GMDS: variants seen among roughly 807,000 people sequenced by gnomAD.
GMDS encodes GDP-mannose 4,6-dehydratase, also known as GDP-mannose 4,6 dehydratase.
GMDS carries 20 observed loss-of-function variants against 49.9 expected under a neutral mutation model. That is an observed-to-expected ratio of 0.40 (90% CI 0.28 to 0.58). GMDS has a LOEUF of 0.58. GMDS is among the 20% of genes least tolerant of loss of function. The pLI is 0.42. For missense variants in GMDS, 362 were observed against 481.4 expected (o/e 0.75, Z 2.32); for synonymous variants, 177 against 178.6 (o/e 0.99, Z 0.07).
chr6:2,114,289 C>A (rs925937617), intron 4 of GMDS, among the ~76,000 whole-genome samples: 14 of 152,120 alleles, frequency 9.2e-5, no homozygotes, highest in African/African-American at 2.7e-4. Context: ...CCAAAACATT[C>A]TGTTTTGTCT....
intron 9 of GMDS, among the ~76,000 whole-genome samples, chr6:1,638,420 C>CA (rs1298911539): frequency 2.0e-5 from 3 of 152,156 alleles, no homozygotes; most frequent in Non-Finnish European, 2.9e-5. Flanking sequence ...CCTCGAGTGC[C>CA]AGCAGGATGG....
intron 4 of GMDS, among the ~76,000 whole-genome samples, chr6:1,989,261 G>A (rs1251657526): frequency 1.3e-5 from 2 of 152,166 alleles, no homozygotes; most frequent in East Asian, 3.8e-4. Context: ...GCTAAGAAAT[G>A]GGCATACTCT....
chr6:1,952,518 A>T (rs1469125411), intron 6 of GMDS, among the ~76,000 whole-genome samples: 3 of 152,134 alleles, frequency 2.0e-5, no homozygotes, highest in African/African-American at 7.2e-5. Flanking sequence ...TGATTAAAAA[A>T]AGTTCTTCGT....
intron 9 of GMDS, among the ~76,000 whole-genome samples, chr6:1,665,736 AAGG>A (rs112045550): frequency 0.031 from 4,661 of 152,238 alleles, 220 homozygotes; most frequent in African/African-American, 0.11. Flanking sequence ...CAACTGGATG[AAGG>A]AGGATACACG....
At chr6:1,700,769 C>T (rs925659628) in intron 9 of GMDS, among the ~76,000 whole-genome samples, 2 of 152,132 alleles carry the variant, frequency 1.3e-5, no homozygotes, top group Admixed American at 1.3e-4. Flanking sequence ...CCTCCTCGGG[C>T]CCAGCACTGG....
At chr6:2,103,127 T>C (rs1187129663) in intron 4 of GMDS, among the ~76,000 whole-genome samples, 4 of 152,150 alleles carry the variant, frequency 2.6e-5, no homozygotes, top group Non-Finnish European at 5.9e-5. Flanking sequence ...TTGAGGCCCA[T>C]TACAGTACAC....
intron 7 of GMDS, among the ~76,000 whole-genome samples, chr6:1,911,127 T>C (rs970293545): frequency 1.2e-4 from 18 of 152,044 alleles, no homozygotes; most frequent in African/African-American, 1.7e-4. Flanking sequence ...ATGTGGGTAA[T>C]AGACAGGGCC....
chr6:2,047,109 C>T (rs1029548427), intron 4 of GMDS, among the ~76,000 whole-genome samples: 1 of 152,154 alleles, frequency 6.6e-6, no homozygotes, highest in African/African-American at 2.4e-5. Flanking sequence ...AAATTCCAGA[C>T]ACTAAAAAAT....
chr6:1,898,854 G>A (rs1314218323), intron 7 of GMDS, among the ~76,000 whole-genome samples: 1 of 152,198 alleles, frequency 6.6e-6, no homozygotes, highest in Non-Finnish European at 1.5e-5. Context: ...AGTGGCTGGG[G>A]ATTTCCAATG....
chr6:2,108,731 C>T (rs73414544), intron 4 of GMDS, among the ~76,000 whole-genome samples: 4,160 of 152,208 alleles, frequency 0.027, 87 homozygotes, highest in South Asian at 0.086. Context: ...CACAGTTCAA[C>T]GATACTGCCC....
intron 4 of GMDS, among the ~76,000 whole-genome samples, chr6:2,059,385 A>G (rs1016895884): frequency 6.6e-6 from 1 of 151,934 alleles, no homozygotes; most frequent in South Asian, 2.1e-4. Flanking sequence ...GATGTTTTAG[A>G]AAATTATTCA....
chr6:2,149,106 G>A (rs1203150898), intron 1 of GMDS, among the ~76,000 whole-genome samples: 3 of 151,820 alleles, frequency 2.0e-5, no homozygotes, highest in Non-Finnish European at 2.9e-5. Context: ...AAAAATAGAC[G>A]CACATAACAT....
chr6:1,769,294 A>G (rs1298610506), intron 7 of GMDS, among the ~76,000 whole-genome samples: 1 of 152,228 alleles, frequency 6.6e-6, no homozygotes, highest in East Asian at 1.9e-4. Flanking sequence ...TTGTGAGTAA[A>G]CAGAATTCTG....
chr6:1,645,043 C>G (rs973433717), intron 9 of GMDS, among the ~76,000 whole-genome samples: 1 of 151,490 alleles, frequency 6.6e-6, no homozygotes, highest in Non-Finnish European at 1.5e-5. Context: ...TCAAGCGATT[C>G]TCTTGCCTCA....
intron 7 of GMDS, among the ~76,000 whole-genome samples, chr6:1,816,415 A>G (rs1235832163): frequency 6.6e-6 from 1 of 152,188 alleles, no homozygotes; most frequent in East Asian, 1.9e-4. Flanking sequence ...ATTTTGTCTC[A>G]TTCCAAAGCT....
At chr6:1,960,703 G>A in intron 5 of GMDS, 71 bp downstream of exon 5, 1 of 1,015,302 alleles carries the variant, frequency 9.8e-7, no homozygotes, top group South Asian at 2.1e-5. Flanking sequence ...CAGAATGAAA[G>A]GAAAAACACA....
intron 7 of GMDS, 135 bp downstream of exon 7, chr6:1,929,968 A>T: frequency 1.4e-6 from 1 of 720,146 alleles, no homozygotes; most frequent in Non-Finnish European, 2.3e-6. Flanking sequence ...TGAAAGCAGC[A>T]TGAGTGTAAA....
chr6:2,083,310 C>G (rs969064121), intron 4 of GMDS, among the ~76,000 whole-genome samples: 2 of 152,156 alleles, frequency 1.3e-5, no homozygotes, highest in East Asian at 1.9e-4. Context: ...CCAGACCATC[C>G]AACAACAGCA....
At chr6:2,139,122 G>T (rs1374875795) in intron 1 of GMDS, among the ~76,000 whole-genome samples, 1 of 151,998 alleles carries the variant, frequency 6.6e-6, no homozygotes, top group Non-Finnish European at 1.5e-5. Context: ...TGGGTGACAG[G>T]TACACTGAAA....
Sources: gnomAD v4.1 joint callset for allele counts (sites outside exome capture counted in the v4.1 genomes callset) on GRCh38, gnomAD v4.1.1 for gene constraint, MANE v1.5 for transcripts, NCBI Gene and HGNC (gene_info 2026-07-23, HGNC 2026-07-21) for gene names.